The following OPRM1 variants were observed in gnomAD, a reference collection of about 807,000 sequenced individuals.
The protein encoded by OPRM1 is mu-type opioid receptor.
OPRM1 carries 27 observed loss-of-function variants against 31.8 expected under a neutral mutation model. The ratio of observed to expected loss-of-function variants is 0.85; its 90% CI spans 0.63 to 1.17. The LOEUF (loss-of-function observed/expected upper bound fraction) is 1.17. OPRM1 is among the 50% of genes most tolerant of loss of function. OPRM1 has a pLI of 0.00. For synonymous variants in OPRM1, 196 were observed against 189.9 expected (o/e 1.03, Z -0.26); for missense variants, 536 against 511.1 (o/e 1.05, Z -0.47).
chr6:154,246,760 C>T, exon 4 of OPRM1: 1 of 1,613,474 alleles, frequency 6.2e-7, no homozygotes, highest in Non-Finnish European at 8.5e-7. Context: ...CGTGAGAAAA[C>T]CTGCAATGAT....
At chr6:154,066,769 A>C (rs1785498687) in intron 1 of OPRM1, among the ~76,000 whole-genome samples, 1 of 152,124 alleles carries the variant, frequency 6.6e-6, no homozygotes, top group African/African-American at 2.4e-5. Flanking sequence ...AAAATCCCTC[A>C]CCAGGAATTA....
chr6:154,048,295 T>G (rs1322480113), intron 1 of OPRM1, among the ~76,000 whole-genome samples: 1 of 152,198 alleles, frequency 6.6e-6, no homozygotes, highest in Non-Finnish European at 1.5e-5. Flanking sequence ...TATTTTTCTT[T>G]CTCTCTGTTT....
intron 3 of OPRM1, among the ~76,000 whole-genome samples, chr6:154,176,129 G>A (rs981021010): frequency 1.2e-4 from 18 of 152,126 alleles, no homozygotes; most frequent in East Asian, 7.7e-4. Context: ...ACAGCCTTTC[G>A]TGCTAAAAAC....
intron 3 of OPRM1, among the ~76,000 whole-genome samples, chr6:154,207,493 CTTG>C (rs1446582605): frequency 6.6e-6 from 1 of 152,030 alleles, no homozygotes; most frequent in East Asian, 1.9e-4. Flanking sequence ...CAAGATATGT[CTTG>C]TTAAGATTAA....
intron 1 of OPRM1, among the ~76,000 whole-genome samples, chr6:154,050,469 T>G (rs1310131548): frequency 6.6e-6 from 1 of 152,124 alleles, no homozygotes; most frequent in Non-Finnish European, 1.5e-5. Context: ...GAACTAGAGA[T>G]TATGCTGTTA....
intron 3 of OPRM1, among the ~76,000 whole-genome samples, chr6:154,218,769 C>G (rs927111714): frequency 6.6e-6 from 1 of 152,160 alleles, no homozygotes; most frequent in African/African-American, 2.4e-5. Flanking sequence ...CAGGCCCAGA[C>G]AAAATGGACC....
rs1323276319 is a variant in OPRM1, at chr6:154,140,155, A to G, written c.1164+48683A>G. ...TTCAGTGAATGGGAGTCAGGCAAAC[A>G]GACAGACACTGACAGTCTGTCATTA... On this transcript the variant is annotated intron_variant, in intron 3 of 3. Transcript: ENST00000337049. Among the ~76,000 whole-genome samples the G allele has an allele frequency of 2.0e-5, 3 of 152,306 alleles. No individual in the cohort carries two copies. The East Asian group carries it at 5.8e-4, about 29-fold the overall frequency.
Position 154,193,383 on chromosome 6 carries a change from A to C in OPRM1, c.1165-53310A>C, listed in dbSNP as rs561342156. Among the ~76,000 whole-genome samples, 17 of 152,332 alleles carry C rather than the reference A, an allele frequency of 1.1e-4. No homozygotes were observed. In the East Asian group the frequency reaches 3.3e-3, roughly 29 times the overall value. ...GGGGAAAGGATAAGAGTGAGGTGAC[A>C]GATAAAAGACTACAAGTTGGGTACA... On this transcript the variant is annotated intron_variant, in intron 3 of 3. Transcript: ENST00000337049.
intron 3 of OPRM1, among the ~76,000 whole-genome samples, chr6:154,239,025 ACT>A (rs1213343678): frequency 6.6e-6 from 1 of 152,040 alleles, no homozygotes; most frequent in East Asian, 1.9e-4. Context: ...TGGGCATTTC[ACT>A]GCTGTGAGCT....
intron 1 of OPRM1, among the ~76,000 whole-genome samples, chr6:154,041,956 G>A (rs190121721): frequency 6.6e-6 from 1 of 152,190 alleles, no homozygotes; most frequent in African/African-American, 2.4e-5. Context: ...TCTTATTCCA[G>A]TGTAGAAGAG....
At chr6:154,108,972 G>T (rs1288424790) in intron 3 of OPRM1, 1 of 984,386 alleles carries the variant, frequency 1.0e-6, no homozygotes, top group Non-Finnish European at 1.2e-6. Flanking sequence ...AAGTCATGGG[G>T]ATTTTATTTC....
intron 1 of OPRM1, among the ~76,000 whole-genome samples, chr6:154,027,335 T>C (rs905845139): frequency 6.6e-6 from 1 of 152,100 alleles, no homozygotes; most frequent in African/African-American, 2.4e-5. Flanking sequence ...AAATGGAGCC[T>C]CTCTCTCTGT....
chr6:154,132,732 A>G (rs1280479930), downstream of OPRM1, among the ~76,000 whole-genome samples: 1 of 152,238 alleles, frequency 6.6e-6, no homozygotes, highest in East Asian at 1.9e-4. Flanking sequence ...TTTGCAAGAA[A>G]CAAAGAGTTT....
intron 3 of OPRM1, among the ~76,000 whole-genome samples, chr6:154,141,399 G>A (rs918075828): frequency 6.6e-6 from 1 of 152,122 alleles, no homozygotes; most frequent in Non-Finnish European, 1.5e-5. Flanking sequence ...ATTTCCTCTT[G>A]GAGGCCTTGA....
At position 154,130,171 on chromosome 6, in the gene OPRM1, T is replaced by TTTC. The variant is rs201523291; in HGVS notation, c.*11452_*11453insCTT. On this transcript the variant is annotated 3_prime_UTR_variant, in exon 4 of 4. Transcript: ENST00000330432. ...ATTTCATGGAAATGTTTAAATTTTC[T>TTTC]TTTTTTTTTTTTTTTTTGATGGAGT... Among the ~76,000 whole-genome samples the TTTC allele has an allele frequency of 0.11, 2,306 of 21,422 alleles. 49 individuals carry two copies. The highest frequency in any genetic ancestry group is 0.28 in the East Asian group (44 of 158). 14.1% of individuals were successfully genotyped at this position (21,422 alleles called of 152,430 possible). A position where few individuals can be genotyped will look rare whatever the true frequency, so the allele number is the denominator to read the frequency against.
At chr6:154,042,898 G>A (rs1331183214) in intron 1 of OPRM1, among the ~76,000 whole-genome samples, 2 of 151,990 alleles carry the variant, frequency 1.3e-5, no homozygotes, top group African/African-American at 2.4e-5. Flanking sequence ...ACTTAAAATG[G>A]GATGATAGTA....
chr6:154,025,831 T>A (rs1778663566), intron 1 of OPRM1, among the ~76,000 whole-genome samples: 1 of 152,008 alleles, frequency 6.6e-6, no homozygotes, highest in Non-Finnish European at 1.5e-5. Context: ...CTCTAAACCT[T>A]AACTTTGTCC....
chr6:154,017,125 CCTCT>C (rs1335602840), intron 1 of OPRM1, among the ~76,000 whole-genome samples: 1 of 152,138 alleles, frequency 6.6e-6, no homozygotes, highest in Non-Finnish European at 1.5e-5. Context: ...TAATTTCTCT[CCTCT>C]CTCCCTCTCT....
intron 3 of OPRM1, among the ~76,000 whole-genome samples, chr6:154,096,776 GC>G: frequency 6.6e-6 from 1 of 152,234 alleles, no homozygotes; most frequent in Admixed American, 6.5e-5. Context: ...GCTTTTCTCT[GC>G]TTTCCTACAC....
Sources: gnomAD v4.1 joint callset for allele counts (sites outside exome capture counted in the v4.1 genomes callset) on GRCh38, gnomAD v4.1.1 for gene constraint, MANE v1.5 for transcripts, NCBI Gene and HGNC (gene_info 2026-07-23, HGNC 2026-07-21) for gene names.